Variants in C2orf49 observed in about 807,000 individuals in gnomAD.
C2orf49 encodes tRNA-splicing ligase complex subunit ASW.
A neutral mutation model predicts 20.6 loss-of-function variants in C2orf49; 11 were observed. That is an observed-to-expected ratio of 0.53 (90% CI 0.34 to 0.88). The LOEUF is 0.88. Ranked by LOEUF, C2orf49 falls within the 40% of genes least tolerant of loss-of-function variation. The pLI, the probability that C2orf49 is intolerant of heterozygous loss-of-function variation, is 0.02. For missense variants in C2orf49, 289 were observed against 274.2 expected (o/e 1.05, Z -0.38); for synonymous variants, 134 against 108.5 (o/e 1.24, Z -1.46).
In C2orf49 at chr2:105,349,153, C is replaced by T. The variant is rs1679882519; in HGVS notation, c.*3782C>T. 1 of 152,178 alleles carries T rather than the reference C, an allele frequency of 6.6e-6. No homozygotes were observed. The highest frequency in any genetic ancestry group is 2.4e-5 in the African/African-American group (1 of 41,424). The allele number at this position is 152,178 out of a possible 1,614,324, so 9.4% of individuals were successfully genotyped here. A position where few individuals can be genotyped will look rare whatever the true frequency, so the allele number is the denominator to read the frequency against. Reference sequence around the variant, plus strand: ...TGAAAAAAAGTTAATTTCTAAACTGCTATCTTAATATTATTATATTTGGAG... The same window carrying T: ...TGAAAAAAAGTTAATTTCTAAACTGTTATCTTAATATTATTATATTTGGAG... On this transcript the variant is annotated 3_prime_UTR_variant, in exon 4 of 4. Coordinates refer to ENST00000258457, the MANE Select transcript of C2orf49 (RefSeq NM_024093.3).
chr2:105,357,692 G>A, the C2orf49 span: 1 of 150,682 alleles, frequency 6.6e-6, no homozygotes, highest in South Asian at 2.1e-4. Context: ...TTTGCTTTTT[G>A]GAACTGTGTC....
At chr2:105,377,869 GT>G in the C2orf49 span, 1 of 364,450 alleles carries the variant, frequency 2.7e-6, no homozygotes, top group Admixed American at 3.8e-5. Context: ...TGGGAAGATA[GT>G]TGCTTTTTAC....
At chr2:105,368,909 C>CAGCA in the C2orf49 span, among the ~76,000 whole-genome samples, 1 of 152,250 alleles carries the variant, frequency 6.6e-6, no homozygotes, top group Non-Finnish European at 1.5e-5. Flanking sequence ...CAAATCCAGA[C>CAGCA]TGCTGCCTGC....
rs1188085471 is a variant in C2orf49, at chr2:105,348,778, GTTATTC to G, written c.*3413_*3418del. 6.6e-6 allele frequency: 1 copy of G among 152,062 alleles called. No individual in the cohort carries two copies. The highest frequency in any genetic ancestry group is 2.4e-5 in the African/African-American group (1 of 41,400). The allele number at this position is 152,062 out of a possible 1,614,324, so 9.4% of individuals were successfully genotyped here. A position where few individuals can be genotyped will look rare whatever the true frequency, so the allele number is the denominator to read the frequency against. On this transcript the variant is annotated 3_prime_UTR_variant, in exon 4 of 4. Coordinates refer to ENST00000258457, the MANE Select transcript of C2orf49 (RefSeq NM_024093.3). ...GAATAAAATTACCTTGAGTAGGTCT[GTTATTC>G]TTATTAAAATGGAAAAATGCTCTGT...
rs1048847739 is a variant in C2orf49 at position 105,347,449 on chromosome 2, T to C, written c.*2078T>C. ...TTAGTTACTCAATAAAATTAATATTTTATTTGTATTTTAACTTACAGAGTA... is the reference window on the plus strand; with the variant it reads ...TTAGTTACTCAATAAAATTAATATTCTATTTGTATTTTAACTTACAGAGTA... On this transcript the variant is annotated 3_prime_UTR_variant, in exon 4 of 4. Transcript: ENST00000258457. 1.3e-5 allele frequency: 2 copies of C among 152,374 alleles called. No individual in the cohort carries two copies. The highest frequency in any genetic ancestry group is 4.8e-5 in the African/African-American group (2 of 41,584). 9.4% of individuals were successfully genotyped at this position (152,374 alleles called of 1,614,324 possible).
At chr2:105,342,715 T>C in intron 2 of C2orf49, 133 bp from the exon 3 acceptor site, 1 of 826,396 alleles carries the variant, frequency 1.2e-6, no homozygotes, top group Non-Finnish European at 1.8e-6. Flanking sequence ...ACATAGAAAA[T>C]TTCATTTTTA....
At chr2:105,349,443 GAA>G (rs1679889073), downstream of C2orf49, among the ~76,000 whole-genome samples, 1 of 152,168 alleles carries the variant, frequency 6.6e-6, no homozygotes, top group African/African-American at 2.4e-5. Flanking sequence ...TGTCTGGACA[GAA>G]GAGACAAAAA....
intron 1 of C2orf49, among the ~76,000 whole-genome samples, chr2:105,338,286 C>T (rs990561971): frequency 6.6e-6 from 1 of 152,184 alleles, no homozygotes; most frequent in African/African-American, 2.4e-5. Context: ...TAGAGAATTA[C>T]TGGAAGTTTC....
At chr2:105,372,461 G>A in the C2orf49 span, among the ~76,000 whole-genome samples, 6 of 151,948 alleles carry the variant, frequency 3.9e-5, no homozygotes, top group Admixed American at 6.5e-5. Flanking sequence ...TCCTGACCTC[G>A]TGATCCGCCC....
chr2:105,357,372 A>G, the C2orf49 span, among the ~76,000 whole-genome samples: 5 of 152,164 alleles, frequency 3.3e-5, no homozygotes, highest in Admixed American at 3.3e-4. Flanking sequence ...CATTTAGTAT[A>G]CTTTTCAACT....
chr2:105,342,506 G>A (rs985584746), intron 2 of C2orf49, among the ~76,000 whole-genome samples: 1 of 151,722 alleles, frequency 6.6e-6, no homozygotes, highest in African/African-American at 2.4e-5. Context: ...TGATTACATG[G>A]TTAAGATAAC....
the C2orf49 span, chr2:105,363,012 G>GGA: frequency 2.4e-6 from 1 of 414,334 alleles, no homozygotes; most frequent in African/African-American, 2.0e-5. Flanking sequence ...ACAGACTGCA[G>GGA]TTTTAGCGAT....
At chr2:105,350,402 G>C (rs1679906917), downstream of C2orf49, among the ~76,000 whole-genome samples, 1 of 152,210 alleles carries the variant, frequency 6.6e-6, no homozygotes, top group African/African-American at 2.4e-5. Context: ...TATGAATGTA[G>C]GACTTTGGAT....
downstream of C2orf49, chr2:105,349,232 G>A (rs967214203): frequency 3.3e-5 from 5 of 152,152 alleles, no homozygotes; most frequent in Non-Finnish European, 2.9e-5. Context: ...TTTCTACTTT[G>A]TCTTTTGTTT....
downstream of C2orf49, chr2:105,349,258 G>T (rs1000242434): frequency 2.0e-5 from 3 of 152,108 alleles, no homozygotes; most frequent in African/African-American, 7.2e-5. Context: ...TAGAGATGAG[G>T]TCTTGCTCTG....
the C2orf49 span, chr2:105,378,370 C>T: frequency 0.13 from 47,911 of 356,422 alleles, 3,895 homozygotes; most frequent in Admixed American, 0.27. Context: ...CCTGCTCTAT[C>T]GGATCCCACC....
the C2orf49 span, among the ~76,000 whole-genome samples, chr2:105,385,077 G>A: frequency 6.6e-6 from 1 of 152,192 alleles, no homozygotes; most frequent in South Asian, 2.1e-4. Context: ...TATTTCAAAG[G>A]TTTGGCACAA....
chr2:105,379,059 GC>G, the C2orf49 span, among the ~76,000 whole-genome samples: 1 of 152,154 alleles, frequency 6.6e-6, no homozygotes, highest in African/African-American at 2.4e-5. Context: ...TGATTAAATT[GC>G]TTGGTTATTT....
intron 1 of C2orf49, among the ~76,000 whole-genome samples, chr2:105,338,900 A>G (rs1679583892): frequency 6.6e-6 from 1 of 152,196 alleles, no homozygotes; most frequent in Non-Finnish European, 1.5e-5. Context: ...TGCTTATGCT[A>G]TGTTTTTCAT....
Sources: gnomAD v4.1 joint callset for allele counts (sites outside exome capture counted in the v4.1 genomes callset) on GRCh38, gnomAD v4.1.1 for gene constraint, MANE v1.5 for transcripts, NCBI Gene and HGNC (gene_info 2026-07-23, HGNC 2026-07-21) for gene names.